WWOX: variants seen among roughly 807,000 people sequenced by gnomAD.
WWOX encodes WW domain containing oxidoreductase, also known as WW domain-containing oxidoreductase.
Under a neutral mutation model 46.2 loss-of-function variants are expected in WWOX, and 69 were observed. The observed-to-expected ratio is 1.49, with a 90% CI of 1.23 to 1.82. The LOEUF is 1.82. Among genes scored for constraint, WWOX ranks in the 40% most tolerant of loss-of-function variants. The pLI, the probability that WWOX is intolerant of heterozygous loss-of-function variation, is 0.00. For synonymous variants in WWOX, 359 were observed against 202.6 expected (o/e 1.77, Z -6.56); for missense variants, 919 against 542.6 (o/e 1.69, Z -6.89).
Position 78,424,998 on chromosome 16 carries a change from A to C in WWOX, c.734A>C (p.Asp245Ala), listed in dbSNP as rs1030035701. 4.3e-6 allele frequency: 7 copies of C among 1,613,942 alleles called. No homozygotes were observed. The African/African-American group carries it at 9.3e-5, about 22-fold the overall frequency. ...GHFYLVQLLQDVLCRSAPARV... is the reference protein window; with the variant it reads ...GHFYLVQLLQAVLCRSAPARV... ...TTCTACCTTGTCCAGCTCCTCCAGG[A>C]TGTTTTGTGCCGCTCAGCTCCTGCC... The change falls in exon 7 of 9, where the codon GAT becomes GCT. Residue 245 changes from aspartate to alanine, a missense_variant. By Grantham distance (126) the Asp-to-Ala change is moderately radical. Coordinates refer to ENST00000566780, the MANE Select transcript of WWOX (RefSeq NM_016373.4).
intron 8 of WWOX, among the ~76,000 whole-genome samples, chr16:78,518,569 T>C (rs957375454): frequency 2.0e-5 from 3 of 152,198 alleles, no homozygotes; most frequent in Non-Finnish European, 1.5e-5. Flanking sequence ...TTAGGAGTAC[T>C]TTTGTCCATT....
chr16:78,935,669 T>C (rs1445672829), intron 8 of WWOX, among the ~76,000 whole-genome samples: 1 of 151,756 alleles, frequency 6.6e-6, no homozygotes. Flanking sequence ...GACGAGTTAA[T>C]GGGTGCAGCA....
At chr16:78,769,112 T>G (rs1430265568) in intron 8 of WWOX, among the ~76,000 whole-genome samples, 1 of 152,170 alleles carries the variant, frequency 6.6e-6, no homozygotes, top group Admixed American at 6.5e-5. Context: ...CATTTGATAG[T>G]GAGGTATTTT....
At chr16:79,063,297 G>A (rs1036877028) in intron 8 of WWOX, among the ~76,000 whole-genome samples, 6 of 152,150 alleles carry the variant, frequency 3.9e-5, no homozygotes, top group Non-Finnish European at 8.8e-5. Flanking sequence ...CTTTATAGCC[G>A]TGTTTTTGAA....
intron 8 of WWOX, chr16:78,890,666 C>G (rs1410109428): frequency 6.6e-6 from 1 of 152,246 alleles, no homozygotes; most frequent in East Asian, 1.9e-4. Context: ...CACAGCCAGT[C>G]TTTCCCTAGA....
intron 8 of WWOX, among the ~76,000 whole-genome samples, chr16:79,084,511 C>A (rs67246679): frequency 0.024 from 3,675 of 152,184 alleles, 50 homozygotes; most frequent in African/African-American, 0.043. Context: ...ACCTCTGCAA[C>A]CCAGGTTCAG....
intron 8 of WWOX, among the ~76,000 whole-genome samples, chr16:79,011,153 ACACACACACAC>A (rs1376578321): frequency 2.6e-5 from 4 of 151,092 alleles, no homozygotes; most frequent in African/African-American, 9.7e-5. Flanking sequence ...ACACACACAC[ACACACACACAC>A]ACACACACAC....
At chr16:79,004,912 C>G (rs916135105) in intron 8 of WWOX, among the ~76,000 whole-genome samples, 1 of 152,050 alleles carries the variant, frequency 6.6e-6, no homozygotes, top group Admixed American at 6.5e-5. Flanking sequence ...CAGCTTAATT[C>G]TGGCCTTTAT....
intron 8 of WWOX, among the ~76,000 whole-genome samples, chr16:78,923,193 C>G (rs534937389): frequency 1.3e-5 from 2 of 152,068 alleles, no homozygotes; most frequent in African/African-American, 4.8e-5. Flanking sequence ...GTTGGTCAGG[C>G]TGGTCTCAAA....
intron 8 of WWOX, among the ~76,000 whole-genome samples, chr16:78,587,278 C>T (rs1002865877): frequency 2.7e-5 from 4 of 150,346 alleles, no homozygotes; most frequent in African/African-American, 9.8e-5. Context: ...AGCAATCCTC[C>T]CATCTTGGCC....
intron 8 of WWOX, among the ~76,000 whole-genome samples, chr16:78,913,765 C>T (rs191283310): frequency 1.3e-5 from 2 of 151,882 alleles, no homozygotes; most frequent in African/African-American, 2.4e-5. Context: ...AGGCTGAAGC[C>T]ATCCTCCCAC....
chr16:78,632,430 G>T (rs752523831), intron 8 of WWOX, among the ~76,000 whole-genome samples: 1 of 151,912 alleles, frequency 6.6e-6, no homozygotes, highest in Non-Finnish European at 1.5e-5. Flanking sequence ...ACTTAACGTC[G>T]CAGATGTTAT....
At chr16:78,758,937 C>CA (rs56184923) in intron 8 of WWOX, among the ~76,000 whole-genome samples, 3,856 of 90,016 alleles carry the variant, frequency 0.043, 77 homozygotes, top group South Asian at 0.076. Context: ...CCACAAAAGA[C>CA]AAAAAAAAAA....
intron 8 of WWOX, among the ~76,000 whole-genome samples, chr16:78,512,387 T>A (rs1032038472): frequency 6.6e-6 from 1 of 152,190 alleles, no homozygotes; most frequent in African/African-American, 2.4e-5. Context: ...TTGTAAGAGG[T>A]TTGAGGGAAA....
intron 8 of WWOX, among the ~76,000 whole-genome samples, chr16:78,881,550 T>C (rs1356607395): frequency 1.3e-5 from 2 of 152,218 alleles, no homozygotes; most frequent in Non-Finnish European, 2.9e-5. Flanking sequence ...TGGAATAGTC[T>C]CTAACCTCAA....
intron 8 of WWOX, among the ~76,000 whole-genome samples, chr16:78,770,099 C>G (rs931384131): frequency 6.6e-6 from 1 of 151,974 alleles, no homozygotes; most frequent in Non-Finnish European, 1.5e-5. Context: ...TGCATGTAAT[C>G]CCAGCACTTT....
At chr16:78,471,441 T>C (rs1485488351) in intron 8 of WWOX, among the ~76,000 whole-genome samples, 6 of 152,154 alleles carry the variant, frequency 3.9e-5, no homozygotes, top group Non-Finnish European at 8.8e-5. Flanking sequence ...GCAGTGTTTC[T>C]AGGAAGTTAC....
intron 5 of WWOX, among the ~76,000 whole-genome samples, chr16:78,332,285 A>G (rs1014701970): frequency 1.3e-5 from 2 of 152,190 alleles, no homozygotes; most frequent in Non-Finnish European, 2.9e-5. Flanking sequence ...CTGCTTCCGC[A>G]TTTCTAAAAT....
At chr16:79,118,344 G>A (rs1217385866) in intron 8 of WWOX, among the ~76,000 whole-genome samples, 2 of 152,226 alleles carry the variant, frequency 1.3e-5, no homozygotes, top group African/African-American at 2.4e-5. Context: ...TATGGGTGCA[G>A]TTTGTGGTGC....
Sources: allele counts gnomAD v4.1 joint callset (sites outside exome capture counted in the v4.1 genomes callset), GRCh38; gene constraint gnomAD v4.1.1; transcripts MANE v1.5; gene names NCBI Gene and HGNC (gene_info 2026-07-23, HGNC 2026-07-21).